LSAMP: variants seen among roughly 807,000 people sequenced by gnomAD.
LSAMP encodes the protein limbic system-associated membrane protein.
Under a neutral mutation model 38.6 loss-of-function variants are expected in LSAMP, and 7 were observed. The observed-to-expected ratio is 0.18, with a 90% CI of 0.10 to 0.34. The LOEUF is 0.34. LSAMP is among the 10% of genes least tolerant of loss of function. The pLI, the probability that LSAMP is intolerant of heterozygous loss-of-function variation, is 1.00. For missense variants in LSAMP, 313 were observed against 420.0 expected (o/e 0.75, Z 2.23); for synonymous variants, 154 against 166.8 (o/e 0.92, Z 0.59).
chr3:116,225,791 G>A (rs1403896328), intron 1 of LSAMP, among the ~76,000 whole-genome samples: 2 of 150,264 alleles, frequency 1.3e-5, no homozygotes, highest in East Asian at 2.0e-4. Flanking sequence ...TATTTAAATC[G>A]TGAGCAAAAA....
intron 1 of LSAMP, among the ~76,000 whole-genome samples, chr3:116,407,473 T>C (rs576732404): frequency 6.6e-5 from 10 of 152,052 alleles, no homozygotes; most frequent in East Asian, 3.9e-4. Flanking sequence ...TTCCCCCCTA[T>C]ACCCACCAGT....
At chr3:116,182,747 C>A (rs1187092007) in intron 1 of LSAMP, among the ~76,000 whole-genome samples, 1 of 151,772 alleles carries the variant, frequency 6.6e-6, no homozygotes, top group Non-Finnish European at 1.5e-5. Flanking sequence ...AACAGACCTA[C>A]AGAATCTGAA....
At chr3:115,925,062 C>T (rs918922335) in intron 3 of LSAMP, among the ~76,000 whole-genome samples, 8 of 152,162 alleles carry the variant, frequency 5.3e-5, no homozygotes, top group African/African-American at 1.9e-4. Context: ...ATAGTCTGCT[C>T]CTTGGTTCTG....
At chr3:115,886,089 T>C (rs1021345993) in intron 3 of LSAMP, among the ~76,000 whole-genome samples, 8 of 151,926 alleles carry the variant, frequency 5.3e-5, no homozygotes, top group Non-Finnish European at 7.4e-5. Context: ...ACAGCTATGT[T>C]TAAGCTCAAA....
chr3:116,375,016 T>A (rs915940205), intron 1 of LSAMP, among the ~76,000 whole-genome samples: 1 of 151,830 alleles, frequency 6.6e-6, no homozygotes, highest in Non-Finnish European at 1.5e-5. Flanking sequence ...CAAAAAAGAG[T>A]TGATTCCCTT....
intron 1 of LSAMP, among the ~76,000 whole-genome samples, chr3:116,275,622 AT>A (rs1228140547): frequency 6.6e-6 from 1 of 152,160 alleles, no homozygotes; most frequent in African/African-American, 2.4e-5. Flanking sequence ...CTGCAGAAAA[AT>A]TGTGAAAGCC....
Position 116,103,485 on chromosome 3 carries a change from A to G in LSAMP, c.156-16929T>C, listed in dbSNP as rs1244012132. Among the ~76,000 whole-genome samples the G allele has an allele frequency of 2.2e-3, 329 of 149,736 alleles. 2 individuals are homozygous for G. Among genetic ancestry groups the G allele is most frequent in the East Asian group, 0.016 (83 of 5,056 alleles). Reference sequence around the variant, plus strand: ...TTCTCAAAAAAAAAAAAAAAAAAAAAAAAGAAAGACAGTGTACATATCATA... The same window carrying G: ...TTCTCAAAAAAAAAAAAAAAAAAAAGAAAGAAAGACAGTGTACATATCATA... On this transcript the variant is annotated intron_variant, in intron 1 of 6. Transcript: ENST00000490035.
At chr3:115,923,949 T>C (rs1294951831) in intron 3 of LSAMP, among the ~76,000 whole-genome samples, 1 of 152,178 alleles carries the variant, frequency 6.6e-6, no homozygotes, top group Non-Finnish European at 1.5e-5. Context: ...CTACATAAAT[T>C]TATCTGTTTC....
intron 1 of LSAMP, among the ~76,000 whole-genome samples, chr3:116,270,780 A>AAAGT (rs1379952952): frequency 6.6e-6 from 1 of 152,154 alleles, no homozygotes; most frequent in Non-Finnish European, 1.5e-5. Flanking sequence ...GAAAAAGTTC[A>AAAGT]AAGTAAACCC....
Position 116,171,902 on chromosome 3 carries a change from C to T in LSAMP, c.156-85346G>A, listed in dbSNP as rs138182018. On this transcript the variant is annotated intron_variant, in intron 1 of 6. Transcript: ENST00000490035. ...TGTGGTTCCTCAAAAAATGACTGAT[C>T]GATAAAAGGAAGACTGAATAGGCAT... Among the ~76,000 whole-genome samples, 103 of 151,968 alleles carry T rather than the reference C, an allele frequency of 6.8e-4. 3 individuals carry two copies. In the East Asian group the frequency reaches 0.017, roughly 25 times the overall value.
At chr3:116,328,811 G>A (rs4831094) in intron 1 of LSAMP, among the ~76,000 whole-genome samples, 14,147 of 152,010 alleles carry the variant, frequency 0.093, 741 homozygotes, top group Middle Eastern at 0.14. Flanking sequence ...TTTATTTAAG[G>A]TTTTTAAGAA....
intron 1 of LSAMP, among the ~76,000 whole-genome samples, chr3:116,091,405 A>T (rs1333118196): frequency 1.3e-5 from 2 of 152,156 alleles, no homozygotes; most frequent in East Asian, 1.9e-4. Context: ...TTCTCGGCTG[A>T]CAGGACTAAG....
intron 3 of LSAMP, among the ~76,000 whole-genome samples, chr3:115,863,864 C>A (rs764056803): frequency 6.6e-6 from 1 of 151,950 alleles, no homozygotes; most frequent in Non-Finnish European, 1.5e-5. Flanking sequence ...AAAATCTCTA[C>A]GATTTTTCTA....
At chr3:116,228,312 C>A (rs2046364528) in intron 1 of LSAMP, among the ~76,000 whole-genome samples, 1 of 151,826 alleles carries the variant, frequency 6.6e-6, no homozygotes, top group South Asian at 2.1e-4. Flanking sequence ...AAATAACATC[C>A]CTAAATTTAG....
At chr3:116,081,032 C>A (rs1347039445) in intron 2 of LSAMP, among the ~76,000 whole-genome samples, 1 of 152,060 alleles carries the variant, frequency 6.6e-6, no homozygotes, top group African/African-American at 2.4e-5. Context: ...GAGAGCGATT[C>A]TGAGAGAAAA....
chr3:115,889,923 T>C (rs1234769232), intron 3 of LSAMP, among the ~76,000 whole-genome samples: 1 of 151,952 alleles, frequency 6.6e-6, no homozygotes, highest in South Asian at 2.1e-4. Flanking sequence ...GTGGAAGAGA[T>C]AATTTTAGTT....
At chr3:116,153,301 A>C (rs1475222245) in intron 1 of LSAMP, among the ~76,000 whole-genome samples, 1 of 152,098 alleles carries the variant, frequency 6.6e-6, no homozygotes, top group East Asian at 1.9e-4. Flanking sequence ...CTCAGACTAC[A>C]CCTACGTGAC....
chr3:116,391,543 G>A (rs917572574), intron 1 of LSAMP, among the ~76,000 whole-genome samples: 3 of 151,896 alleles, frequency 2.0e-5, no homozygotes, highest in African/African-American at 7.2e-5. Context: ...GTGGAGGGTC[G>A]CTCACTAGCG....
At chr3:116,041,442 C>T (rs1402017185) in intron 2 of LSAMP, among the ~76,000 whole-genome samples, 1 of 151,942 alleles carries the variant, frequency 6.6e-6, no homozygotes, top group Non-Finnish European at 1.5e-5. Flanking sequence ...AATCAAAGGC[C>T]TCTGAATTTA....
Sources: allele counts gnomAD v4.1 joint callset (sites outside exome capture counted in the v4.1 genomes callset), GRCh38; gene constraint gnomAD v4.1.1; transcripts MANE v1.5; gene names NCBI Gene and HGNC (gene_info 2026-07-23, HGNC 2026-07-21).